DTNB: variants seen among roughly 807,000 people sequenced by gnomAD.
The protein encoded by DTNB is dystrobrevin beta.
A neutral mutation model predicts 90.7 loss-of-function variants in DTNB; 63 were observed. That is an observed-to-expected ratio of 0.69 (90% CI 0.57 to 0.86). The LOEUF is 0.86. Ranked by LOEUF, DTNB falls within the 40% of genes least tolerant of loss-of-function variation. The pLI, the probability that DTNB is intolerant of heterozygous loss-of-function variation, is 0.00. For synonymous variants in DTNB, 277 were observed against 286.7 expected, an observed-to-expected ratio of 0.97 and a Z score of 0.34; for missense variants, 744 against 807.1, an observed-to-expected ratio of 0.92 and a Z score of 0.95.
chr2:25,461,094 G>A lies in DTNB; in HGVS notation c.1080-5600C>T, dbSNP rs1480626294. The stretch of plus-strand genomic sequence containing the variant: ...AATTTTTGTATTTTTAGTAGAGATG[G>A]GGTTTTGCCATGTTGGCCAGGCTGG... On this transcript the variant is annotated intron_variant, in intron 10 of 20. Coordinates refer to ENST00000406818, the MANE Select transcript of DTNB (RefSeq NM_021907.5). Among the ~76,000 whole-genome samples the A allele has an allele frequency of 1.2e-4, 19 of 152,264 alleles. No individual in the cohort carries two copies. The East Asian group carries it at 1.7e-3, about 14-fold the overall frequency.
At chr2:25,418,514 T>G (rs1574104002) in intron 16 of DTNB, among the ~76,000 whole-genome samples, 1 of 151,768 alleles carries the variant, frequency 6.6e-6, no homozygotes, top group African/African-American at 2.4e-5. Context: ...GCCTGGCCAA[T>G]ATGGTGAAAC....
intron 9 of DTNB, among the ~76,000 whole-genome samples, chr2:25,519,056 G>T (rs1051494668): frequency 6.6e-6 from 1 of 152,092 alleles, no homozygotes; most frequent in African/African-American, 2.4e-5. Flanking sequence ...GTCACCAACG[G>T]TAAGTTTTTC....
At chr2:25,534,886 C>A (rs1471994984) in intron 8 of DTNB, among the ~76,000 whole-genome samples, 7 of 149,808 alleles carry the variant, frequency 4.7e-5, no homozygotes, top group African/African-American at 1.5e-4. Context: ...CCTCACTTCC[C>A]AGACGGGGCG....
chr2:25,513,496 G>C (rs1226623517), intron 9 of DTNB, among the ~76,000 whole-genome samples: 1 of 152,114 alleles, frequency 6.6e-6, no homozygotes, highest in African/African-American at 2.4e-5. Context: ...GCCGAGGCAG[G>C]CGATCACTTG....
At chr2:25,474,341 G>C (rs992527843) in intron 10 of DTNB, among the ~76,000 whole-genome samples, 1 of 150,622 alleles carries the variant, frequency 6.6e-6, no homozygotes, top group Non-Finnish European at 1.5e-5. Context: ...TGTTGACTTG[G>C]TGAAATTCTC....
intron 9 of DTNB, among the ~76,000 whole-genome samples, chr2:25,498,594 G>C (rs1336806007): frequency 1.3e-5 from 2 of 152,008 alleles, no homozygotes; most frequent in African/African-American, 4.8e-5. Flanking sequence ...TGGCTCACTG[G>C]GAGCACTCTG....
At chr2:25,540,872 C>T (rs970684743) in intron 8 of DTNB, among the ~76,000 whole-genome samples, 3 of 151,936 alleles carry the variant, frequency 2.0e-5, no homozygotes, top group East Asian at 1.9e-4. Context: ...TCACCACTCC[C>T]TAATCTCAAG....
intron 4 of DTNB, among the ~76,000 whole-genome samples, chr2:25,608,850 A>C (rs2067740844): frequency 6.6e-6 from 1 of 152,234 alleles, no homozygotes; most frequent in African/African-American, 2.4e-5. Context: ...ACAGAGCTCC[A>C]CCAATAAAAT....
intron 10 of DTNB, among the ~76,000 whole-genome samples, chr2:25,479,662 G>A (rs1574961578): frequency 6.6e-6 from 1 of 152,142 alleles, no homozygotes; most frequent in East Asian, 1.9e-4. Context: ...GGTCTTCTGT[G>A]AAAAGTAAAG....
At chr2:25,418,739 G>A (rs145610790) in intron 16 of DTNB, among the ~76,000 whole-genome samples, 26 of 151,398 alleles carry the variant, frequency 1.7e-4, no homozygotes, top group African/African-American at 6.3e-4. Flanking sequence ...TAAACGTTTT[G>A]TATTTATCTC....
rs192208780 is a variant in DTNB, at chr2:25,661,836, G to A, written c.-1-9175C>T. On this transcript the variant is annotated intron_variant, in intron 1 of 20. Coordinates refer to ENST00000406818, the MANE Select transcript of DTNB (RefSeq NM_021907.5). ...TGCTGGTGAAAGCATAAATATAACA[G>A]CAAAAGCAGTATCTAGTAATATTAA... is the stretch of plus-strand genomic sequence containing the variant. 3.5e-3 allele frequency among the ~76,000 whole-genome samples: 531 copies of A among 152,212 alleles called. 2 individuals carry two copies. The highest frequency in any genetic ancestry group is 0.011 in the African/African-American group (476 of 41,522).
intron 5 of DTNB, among the ~76,000 whole-genome samples, chr2:25,597,580 G>T (rs1052031017): frequency 7.2e-5 from 11 of 152,086 alleles, no homozygotes; most frequent in African/African-American, 2.4e-4. Context: ...TAGAAAAGAA[G>T]AAATTACCAA....
In DTNB at chr2:25,570,097, G is replaced by GA. The variant is rs58904320; in HGVS notation, c.876+6740dup. Among the ~76,000 whole-genome samples the GA allele has an allele frequency of 7.4e-3, 919 of 124,876 alleles. 2 individuals carry two copies. The highest frequency in any genetic ancestry group is 9.5e-3 in the Non-Finnish European group (557 of 58,830). 81.9% of individuals were successfully genotyped at this position (124,876 alleles called of 152,430 possible). A position where few individuals can be genotyped will look rare whatever the true frequency, so the allele number is the denominator to read the frequency against. ...AGGCAACAAAGCAAGACTGCATCTG[G>GA]AAAAAAAAAAAAAAAAAGGAAATGG... On this transcript the variant is annotated intron_variant, in intron 8 of 20. Coordinates refer to ENST00000406818, the MANE Select transcript of DTNB (RefSeq NM_021907.5).
At chr2:25,517,198 A>G (rs1040442841) in intron 9 of DTNB, among the ~76,000 whole-genome samples, 2 of 152,256 alleles carry the variant, frequency 1.3e-5, no homozygotes, top group Admixed American at 6.5e-5. Context: ...GTCAGAAACA[A>G]AAGACTACAT....
At chr2:25,658,437 T>C (rs775475615) in intron 1 of DTNB, among the ~76,000 whole-genome samples, 6 of 152,096 alleles carry the variant, frequency 3.9e-5, no homozygotes, top group Non-Finnish European at 8.8e-5. Context: ...CTCAATTGAG[T>C]TGAAAATTTA....
chr2:25,421,468 T>C (rs1452576589), intron 15 of DTNB, among the ~76,000 whole-genome samples: 1 of 152,268 alleles, frequency 6.6e-6, no homozygotes, highest in African/African-American at 2.4e-5. Flanking sequence ...TTGCACCTGC[T>C]TTGCAGTTAG....
chr2:25,548,560 G>A lies in DTNB; in HGVS notation c.877-16963C>T, dbSNP rs146085376. 6.3e-3 allele frequency among the ~76,000 whole-genome samples: 964 copies of A among 152,194 alleles called. 12 individuals are homozygous for A. Among genetic ancestry groups the A allele is most frequent in the Middle Eastern group, 0.02 (6 of 294 alleles). On this transcript the variant is annotated intron_variant, in intron 8 of 20. Transcript: ENST00000406818. ...TCCAAGCAAAAGGAAGAGCAAGTGC[G>A]AGGCCCTAAAATGCAAGTTTGCCTG...
intron 11 of DTNB, among the ~76,000 whole-genome samples, chr2:25,453,703 C>T (rs144562849): frequency 5.2e-4 from 79 of 152,342 alleles, no homozygotes; most frequent in African/African-American, 1.8e-3. Flanking sequence ...GGTGAAACAA[C>T]TCTGTTCCTA....
intron 2 of DTNB, among the ~76,000 whole-genome samples, chr2:25,645,146 G>A (rs974268876): frequency 2.0e-5 from 3 of 152,192 alleles, no homozygotes; most frequent in African/African-American, 7.2e-5. Context: ...ACGTTGGGAG[G>A]CTGAGGCAGG....
Sources: gnomAD v4.1 joint callset for allele counts (sites outside exome capture counted in the v4.1 genomes callset) on GRCh38, gnomAD v4.1.1 for gene constraint, MANE v1.5 for transcripts, NCBI Gene and HGNC (gene_info 2026-07-23, HGNC 2026-07-21) for gene names.